Variants in TKFC observed in about 807,000 individuals in gnomAD.
The protein encoded by TKFC is triokinase and FMN cyclase.
TKFC carries 46 observed loss-of-function variants against 61.0 expected under a neutral mutation model. The observed-to-expected ratio is 0.75, with a 90% CI of 0.60 to 0.96. The LOEUF (loss-of-function observed/expected upper bound fraction) is 0.96, where lower values mean the gene tolerates loss of function less well. Ranked by LOEUF, TKFC falls within the 50% of genes least tolerant of loss-of-function variation. The probability of loss-of-function intolerance (pLI) is 0.00; values close to 1 mark genes in which losing one functional copy is unlikely to be tolerated. For synonymous variants in TKFC, 314 were observed against 330.1 expected (o/e 0.95, Z 0.53); for missense variants, 715 against 777.5 (o/e 0.92, Z 0.96).
rs1387955728 is a variant in TKFC, at chr11:61,347,245, C to T, written c.*742C>T. On this transcript the variant is annotated 3_prime_UTR_variant, in exon 18 of 18. Transcript: ENST00000394900. The stretch of plus-strand genomic sequence containing the variant: ...CATAGTCTAAGGTTCAGTTGTAGAT[C>T]AAAAAATGCAGCCAGGCCGGGCACG... 1 of 985,242 alleles carries T rather than the reference C, an allele frequency of 1.0e-6. No individual in the cohort carries two copies. Among genetic ancestry groups the T allele is most frequent in the East Asian group, 1.1e-4 (1 of 8,824 alleles). 61.0% of individuals were successfully genotyped at this position (985,242 alleles called of 1,614,324 possible).
At position 61,342,639 on chromosome 11, in the gene TKFC, C is replaced by T. The variant is rs1157579412; in HGVS notation, c.756C>T (p.Ser252=). The stretch of plus-strand genomic sequence containing the variant: ...ACATGACAAACACCACCAACGCGTC[C>T]CATGTGCCTGTGCAGCCCGGTGGGT... ...LDHMTNTTNA[S]HVPVQPGSSV... is the part of the protein sequence containing the mutation. The change falls in exon 9 of 18, where the codon TCC becomes TCT. Residue 252 remains serine (S), a synonymous_variant. Coordinates refer to ENST00000394900, the MANE Select transcript of TKFC (RefSeq NM_015533.4). The T allele has an allele frequency of 1.2e-6, 2 of 1,614,094 alleles. No homozygotes were observed. The highest frequency in any genetic ancestry group is 1.7e-6 in the Non-Finnish European group (2 of 1,180,030).
rs1857204085 is a variant in TKFC at position 61,347,675 on chromosome 11, T to G, written c.*1172T>G. On this transcript the variant is annotated 3_prime_UTR_variant, in exon 18 of 18. Transcript: ENST00000394900. ...ACAAACAGCACATGCCTGGCACACATGTAGGGTAGGGAGTGGTTAAAGGCA... is the reference window on the plus strand; with the variant it reads ...ACAAACAGCACATGCCTGGCACACAGGTAGGGTAGGGAGTGGTTAAAGGCA... 11 of 985,126 alleles carry G rather than the reference T, an allele frequency of 1.1e-5. No homozygotes were observed. The highest frequency in any genetic ancestry group is 5.2e-4 in the Middle Eastern group (1 of 1,934). 61.0% of individuals were successfully genotyped at this position (985,126 alleles called of 1,614,324 possible).
At chr11:61,337,068 G>A (rs530850800) in intron 2 of TKFC, among the ~76,000 whole-genome samples, 1 of 152,130 alleles carries the variant, frequency 6.6e-6, no homozygotes, top group East Asian at 1.9e-4. Context: ...GTGCACGTGC[G>A]CTCCTCGTGT....
In TKFC at chr11:61,343,413, T is replaced by C. The variant is rs375156745; in HGVS notation, c.937T>C (p.Ser313Pro). ...FMSALEMPGISLTLLLVDEPL... is the reference protein window; with the variant it reads ...FMSALEMPGIPLTLLLVDEPL... The stretch of plus-strand genomic sequence containing the variant: ...GTCAGCACTGGAGATGCCTGGCATT[T>C]CTCTCACCCTCCTGCTGGTGGATGA... Residue 313 changes from serine (S) to proline (P), a missense_variant, in exon 11 of 18, where the codon TCT becomes CCT. Ser to Pro is a moderately conservative substitution (Grantham distance 74). Coordinates refer to ENST00000394900, the MANE Select transcript of TKFC (RefSeq NM_015533.4). 6.8e-6 allele frequency: 11 copies of C among 1,614,020 alleles called. No individual in the cohort carries two copies. The highest frequency in any genetic ancestry group is 9.3e-6 in the Non-Finnish European group (11 of 1,180,014).
downstream of TKFC, chr11:61,350,432 G>A (rs549420104): frequency 1.1e-5 from 18 of 1,611,268 alleles, no homozygotes; most frequent in Admixed American, 1.7e-5. Flanking sequence ...GCTGGAAAGA[G>A]AGGCAGATGC....
At chr11:61,352,992 A>G (rs925087543), downstream of TKFC, 1 of 1,614,116 alleles carries the variant, frequency 6.2e-7, no homozygotes. Flanking sequence ...CACAAACTGA[A>G]GAAAAGCTTC....
At chr11:61,345,971 C>G (rs1364772975) in intron 17 of TKFC, 25 bp downstream of exon 17, 1 of 1,608,134 alleles carries the variant, frequency 6.2e-7, no homozygotes, top group African/African-American at 1.3e-5. Flanking sequence ...GCCCAGCCAC[C>G]TGGGGAGACA....
chr11:61,353,031 T>C, downstream of TKFC: 1 of 1,614,136 alleles, frequency 6.2e-7, no homozygotes, highest in Non-Finnish European at 8.5e-7. Flanking sequence ...ACGGATGCGA[T>C]GGACAGAGAG....
chr11:61,350,627 C>T (rs940405765), downstream of TKFC: 1 of 637,136 alleles, frequency 1.6e-6, no homozygotes, highest in Admixed American at 2.9e-5. Flanking sequence ...CTCAGCTGGT[C>T]ACCAGGCACC....
intron 3 of TKFC, 92 bp downstream of exon 3, chr11:61,338,222 C>A: frequency 7.8e-7 from 1 of 1,281,836 alleles, no homozygotes; most frequent in Non-Finnish European, 1.0e-6. Flanking sequence ...CAGGATGGAG[C>A]TCAGCCCAGA....
Position 61,342,678 on chromosome 11 carries a change from C to T in TKFC, c.775+20C>T, listed in dbSNP as rs747776188. The stretch of plus-strand genomic sequence containing the variant: ...AGCCCGGTGGGTAGCCTCTCGCCCG[C>T]GTCTCCCAACCCCTCCTAAACCTCT... On this transcript the variant is annotated intron_variant, in intron 9 of 17. Transcript: ENST00000394900. 65 of 1,613,776 alleles carry T rather than the reference C, an allele frequency of 4.0e-5. No individual in the cohort carries two copies. The highest frequency in any genetic ancestry group is 8.9e-5 in the East Asian group (4 of 44,888).
At chr11:61,337,299 C>A (rs919666951) in intron 2 of TKFC, among the ~76,000 whole-genome samples, 2 of 152,198 alleles carry the variant, frequency 1.3e-5, no homozygotes, top group Non-Finnish European at 2.9e-5. Context: ...CATGCACCAC[C>A]ATGCCTGGAT....
rs1270254379 is a variant in TKFC at position 61,346,620 on chromosome 11, C to T, written c.*117C>T. 4 of 1,487,116 alleles carry T rather than the reference C, an allele frequency of 2.7e-6. No individual in the cohort carries two copies. In the Admixed American group the frequency reaches 9.2e-5, roughly 34 times the overall value. The allele number at this position is 1,487,116 out of a possible 1,614,324, so 92.1% of individuals were successfully genotyped here. ...CCCCCGGCCTGGCCCCATTGGCCCA[C>T]CCTCTAAGTTGAGCAGGAAATCCTC... On this transcript the variant is annotated 3_prime_UTR_variant, in exon 18 of 18. Transcript: ENST00000394900. This position sits in a 1 kb window ranked among gnomAD's most constrained non-coding sequence, Gnocchi z 4.1.
chr11:61,344,578 G>A (rs1434211837), intron 13 of TKFC, among the ~76,000 whole-genome samples: 1 of 151,968 alleles, frequency 6.6e-6, no homozygotes, highest in Non-Finnish European at 1.5e-5. Context: ...TGGCCAGGCT[G>A]GTCTCTAACT....
At chr11:61,342,186 C>A in intron 7 of TKFC, 1 of 612,182 alleles carries the variant, frequency 1.6e-6, no homozygotes, top group Non-Finnish European at 2.9e-6. Flanking sequence ...CCAGAATACA[C>A]CCTTCTTTCA....
rs1453064730 is a variant in TKFC, at chr11:61,348,283, A to G, written c.*1780A>G. 3.0e-6 allele frequency: 3 copies of G among 985,376 alleles called. No individual in the cohort carries two copies. Among genetic ancestry groups the G allele is most frequent in the Non-Finnish European group, 3.6e-6 (3 of 829,932 alleles). 61.0% of individuals were successfully genotyped at this position (985,376 alleles called of 1,614,324 possible). On this transcript the variant is annotated 3_prime_UTR_variant, in exon 18 of 18. Transcript: ENST00000394900. ...CTTCCTCGTGAGATAAGCACGTGCC[A>G]TTAGCTATTAAGGACACGCACATAA...
chr11:61,346,001 C>T lies in TKFC; in HGVS notation c.1575+55C>T, dbSNP rs1188736753. ...GAGACAGGCTTCTAGCCAGCAGACT[C>T]CTGTCTCCATGTGACCCTGAGCAAG... On this transcript the variant is annotated intron_variant, in intron 17 of 17. Transcript: ENST00000394900. This position sits in a 1 kb window ranked among gnomAD's most constrained non-coding sequence, Gnocchi z 4.1. 2.6e-6 allele frequency: 4 copies of T among 1,566,306 alleles called. No homozygotes were observed. Among genetic ancestry groups the T allele is most frequent in the Non-Finnish European group, 2.6e-6 (3 of 1,144,116 alleles).
chr11:61,334,581 A>C, intron 1 of TKFC, 39 bp from the exon 2 acceptor site: 1 of 1,025,322 alleles, frequency 9.8e-7, no homozygotes. Context: ...GTCGACTGCG[A>C]GTTCCTTCCG....
At chr11:61,339,863 T>G (rs1443847657) in intron 5 of TKFC, among the ~76,000 whole-genome samples, 2 of 152,210 alleles carry the variant, frequency 1.3e-5, no homozygotes, top group Admixed American at 6.5e-5. Flanking sequence ...TTTTAAAATG[T>G]GTATCTGACT....
Sources: allele counts gnomAD v4.1 joint callset (sites outside exome capture counted in the v4.1 genomes callset), GRCh38; gene constraint gnomAD v4.1.1; non-coding constraint Gnocchi (gnomAD v3.1); transcripts MANE v1.5; gene names NCBI Gene and HGNC (gene_info 2026-07-23, HGNC 2026-07-21).